POF1B: variants seen among roughly 807,000 people sequenced by gnomAD.
The protein encoded by POF1B is POF1B actin binding protein.
A neutral mutation model predicts 55.3 loss-of-function variants in POF1B; 53 were observed. The observed-to-expected ratio is 0.96, with a 90% CI of 0.77 to 1.20. The LOEUF is 1.20. Among genes scored for constraint, POF1B ranks in the 50% most tolerant of loss-of-function variants. The pLI is 0.00. For synonymous variants in POF1B, 188 were observed against 148.3 expected (o/e 1.27, Z -1.95); for missense variants, 478 against 420.5 (o/e 1.14, Z -1.20).
chrX:85,285,184 T>C (rs1236921460), intron 15 of POF1B, among the ~76,000 whole-genome samples: 5 of 111,307 alleles, frequency 4.5e-5, no homozygotes, highest in Admixed American at 2.9e-4. Context: ...GAAATAGGAA[T>C]ACTTTTACAC....
chrX:85,306,016 T>C, intron 12 of POF1B, 106 bp from the exon 13 acceptor site: 1 of 1,013,542 alleles, frequency 9.9e-7, no homozygotes, highest in Non-Finnish European at 1.3e-6. Flanking sequence ...AAATAAGACA[T>C]TGAAATAATG....
At chrX:85,378,399 TAC>T (rs1933956078) in intron 2 of POF1B, among the ~76,000 whole-genome samples, 1 of 112,115 alleles carries the variant, frequency 8.9e-6, no homozygotes, top group Admixed American at 9.5e-5. Context: ...GTTAATTTTA[TAC>T]AGTCTTGCAG....
chrX:85,306,352 T>C lies in POF1B; in HGVS notation c.1165-19A>G, dbSNP rs747737798. ...GTCCTTGCTGTAAAGAAGACACAAG[T>C]ACATAAGACAAATGCATTTTGTTTT... is the stretch of plus-strand genomic sequence containing the variant. On this transcript the variant is annotated intron_variant, in intron 11 of 16. Coordinates refer to ENST00000262753, the MANE Select transcript of POF1B (RefSeq NM_024921.4). The C allele has an allele frequency of 2.5e-6, 3 of 1,192,370 alleles. No homozygotes were observed. The highest frequency in any genetic ancestry group is 1.9e-5 in the South Asian group (1 of 53,817).
intron 3 of POF1B, among the ~76,000 whole-genome samples, chrX:85,359,995 A>C (rs960795788): frequency 2.7e-5 from 3 of 110,599 alleles, no homozygotes; most frequent in Non-Finnish European, 5.7e-5. Flanking sequence ...AAAAATGAAA[A>C]GAGACATAAA....
chrX:85,329,563 A>G (rs1240882746), intron 7 of POF1B, among the ~76,000 whole-genome samples: 2 of 110,359 alleles, frequency 1.8e-5, no homozygotes, highest in African/African-American at 3.3e-5. Flanking sequence ...CAGGGTAAAT[A>G]AAGCAGCCCT....
intron 2 of POF1B, among the ~76,000 whole-genome samples, chrX:85,372,221 A>G (rs1452457873): frequency 3.7e-5 from 4 of 108,971 alleles, no homozygotes; most frequent in Non-Finnish European, 7.6e-5. Context: ...GCGGGCGCCT[A>G]TATTCCCAGC....
At chrX:85,312,490 T>C (rs1054241799) in intron 9 of POF1B, among the ~76,000 whole-genome samples, 2 of 111,424 alleles carry the variant, frequency 1.8e-5, no homozygotes, top group African/African-American at 6.5e-5. Flanking sequence ...GTTGTAAATG[T>C]GTGGCATTAT....
chrX:85,319,849 G>T (rs1932819710), intron 7 of POF1B, among the ~76,000 whole-genome samples: 1 of 111,288 alleles, frequency 9.0e-6, no homozygotes. Flanking sequence ...TTGCATCCAT[G>T]CCAGGTTTTG....
rs768380184 is a variant in POF1B at position 85,308,192 on chromosome X, G to C, written c.982C>G (p.Leu328Val). Residue 328 changes from leucine to valine, a missense_variant, in exon 10 of 17, where the codon CTC becomes GTC. Leu to Val is a conservative substitution (Grantham distance 32, BLOSUM62 1). Transcript: ENST00000262753. ...CTAAATGTGGACAGCACTAGTCGGAGTGACTTATCAGACATACCCCTCATC... is the reference window on the plus strand; with the variant it reads ...CTAAATGTGGACAGCACTAGTCGGACTGACTTATCAGACATACCCCTCATC... ...LQMRGMSDKSLRLVLSTFSNI... is the reference protein window; with the variant it reads ...LQMRGMSDKSVRLVLSTFSNI... 8.5e-7 allele frequency: 1 copy of C among 1,177,145 alleles called. No individual in the cohort carries two copies. Among genetic ancestry groups the C allele is most frequent in the African/African-American group, 1.8e-5 (1 of 56,982 alleles).
At chrX:85,306,538 A>G (rs1375095409) in intron 11 of POF1B, among the ~76,000 whole-genome samples, 1 of 110,981 alleles carries the variant, frequency 9.0e-6, no homozygotes, top group Non-Finnish European at 1.9e-5. Context: ...TTTGTGAGAG[A>G]GGGAATCATG....
At position 85,314,505 on chromosome X, in the gene POF1B, G is replaced by T. The variant is rs200954279; in HGVS notation, c.884C>A (p.Ser295Ter). 5 of 1,177,049 alleles carry T rather than the reference G, an allele frequency of 4.2e-6. No homozygotes were observed. Among genetic ancestry groups the T allele is most frequent in the East Asian group, 3.1e-5 (1 of 32,272 alleles). ...AGGAATCAATGATTCAATGTCTTCC[G>T]ACTGTAAGAAAAAAAGGCTTATCCA... The part of the protein sequence containing the change: ...SKQDFESTDE[S>*]EDIESLIPKG... The change falls in exon 9 of 17, where the codon TCG becomes TAG. Residue 295 changes from serine to a stop codon, truncating the protein, a stop_gained and splice_region_variant. Transcript: ENST00000262753. LOFTEE classifies it high-confidence loss of function.
At chrX:85,374,734 A>G (rs1344705279) in intron 2 of POF1B, among the ~76,000 whole-genome samples, 2 of 112,028 alleles carry the variant, frequency 1.8e-5, no homozygotes, top group African/African-American at 6.5e-5. Flanking sequence ...TTATGCTGAC[A>G]GAATTTGCCA....
intron 6 of POF1B, among the ~76,000 whole-genome samples, chrX:85,338,232 A>G (rs1391112637): frequency 1.8e-5 from 2 of 111,801 alleles, no homozygotes; most frequent in Admixed American, 1.9e-4. Context: ...TTAATAGCCT[A>G]ATCTTTCAAG....
intron 2 of POF1B, among the ~76,000 whole-genome samples, chrX:85,368,217 C>T (rs1437397449): frequency 1.8e-5 from 2 of 111,246 alleles, no homozygotes; most frequent in Admixed American, 9.6e-5. Context: ...AGTCTGGGCT[C>T]TTAGAGTAAC....
intron 7 of POF1B, among the ~76,000 whole-genome samples, chrX:85,320,690 G>A (rs982069630): frequency 5.4e-5 from 6 of 110,653 alleles, no homozygotes; most frequent in African/African-American, 1.6e-4. Context: ...TTGATAGACC[G>A]CTAGCAAGAC....
intron 7 of POF1B, among the ~76,000 whole-genome samples, chrX:85,316,111 A>G (rs1005838533): frequency 1.8e-5 from 2 of 110,788 alleles, no homozygotes; most frequent in Non-Finnish European, 3.8e-5. Context: ...TTCCACCTTC[A>G]TTTTCTCCTT....
At chrX:85,331,502 T>G (rs779954040) in intron 6 of POF1B, among the ~76,000 whole-genome samples, 1 of 111,272 alleles carries the variant, frequency 9.0e-6, no homozygotes, top group East Asian at 2.8e-4. Context: ...CTGTGCTACT[T>G]CAATACCTGC....
chrX:85,355,127 A>G (rs1255330135), intron 4 of POF1B, among the ~76,000 whole-genome samples: 1 of 111,528 alleles, frequency 9.0e-6, no homozygotes, highest in Non-Finnish European at 1.9e-5. Context: ...CCAATGGAAC[A>G]GAACAGAGCC....
chrX:85,367,581 T>C, intron 3 of POF1B, 111 bp downstream of exon 3: 1 of 509,301 alleles, frequency 2.0e-6, no homozygotes, highest in Non-Finnish European at 3.3e-6. Context: ...GATCCTCACA[T>C]GGTGTGAATG....
Sources: allele counts gnomAD v4.1 joint callset (sites outside exome capture counted in the v4.1 genomes callset), GRCh38; gene constraint gnomAD v4.1.1; transcripts MANE v1.5; gene names NCBI Gene and HGNC (gene_info 2026-07-23, HGNC 2026-07-21).